The following PCDHGA4 variants were observed in gnomAD, a reference collection of about 807,000 sequenced individuals.
PCDHGA4 encodes protocadherin gamma-A4.
Under a neutral mutation model 54.6 loss-of-function variants are expected in PCDHGA4, and 38 were observed. The ratio of observed to expected loss-of-function variants is 0.70; its 90% CI spans 0.54 to 0.91. The LOEUF (loss-of-function observed/expected upper bound fraction) is 0.91. Among genes scored for constraint, PCDHGA4 ranks in the 40% least tolerant of loss-of-function variants. The pLI is 0.00. For missense variants in PCDHGA4, 1,298 were observed against 1,220.9 expected (o/e 1.06, Z -0.94); for synonymous variants, 511 against 512.9 (o/e 1.00, Z 0.05).
At chr5:141,459,874 A>G (rs922438277) in intron 1 of PCDHGA4, among the ~76,000 whole-genome samples, 10 of 152,156 alleles carry the variant, frequency 6.6e-5, no homozygotes, top group African/African-American at 2.4e-4. Flanking sequence ...TTCATCTTTA[A>G]CTGAGCTGAA....
intron 1 of PCDHGA4, chr5:141,365,365 C>A (rs761258930): frequency 6.2e-7 from 1 of 1,613,928 alleles, no homozygotes. Context: ...ACAATGCCCC[C>A]GAAGTGATCC....
intron 1 of PCDHGA4, among the ~76,000 whole-genome samples, chr5:141,480,408 C>A (rs371569489): frequency 7.2e-6 from 1 of 138,932 alleles, no homozygotes; most frequent in African/African-American, 2.9e-5. Flanking sequence ...GAGTGAGACC[C>A]TGTCTCAAAA....
chr5:141,405,461 C>T, intron 1 of PCDHGA4: 1 of 1,220,756 alleles, frequency 8.2e-7, no homozygotes, highest in Non-Finnish European at 1.1e-6. Context: ...ACTCTGTTAC[C>T]CAGGCTGGAA....
rs1387677265 is a variant in PCDHGA4 at position 141,486,434 on chromosome 5, T to C, written c.2515-8373T>C. 3 of 1,614,150 alleles carry C rather than the reference T, an allele frequency of 1.9e-6. No homozygotes were observed. The highest frequency in any genetic ancestry group is 2.5e-6 in the Non-Finnish European group (3 of 1,179,986). The stretch of plus-strand genomic sequence containing the variant: ...CTTGGATCGAGAGGCCAAATCTAGC[T>C]ATGACATCATGGTCACTGCTTCTGA... On this transcript the variant is annotated intron_variant, in intron 1 of 3. Coordinates refer to ENST00000571252, the MANE Select transcript of PCDHGA4 (RefSeq NM_018917.4). This position sits in a 1 kb window ranked among gnomAD's most constrained non-coding sequence, Gnocchi z 5.0.
chr5:141,403,434 A>G, intron 1 of PCDHGA4: 1 of 1,614,024 alleles, frequency 6.2e-7, no homozygotes, highest in Non-Finnish European at 8.5e-7. Flanking sequence ...ATTGATCCGG[A>G]TGTTGGCGTG....
intron 1 of PCDHGA4, chr5:141,375,875 T>C: frequency 6.2e-7 from 1 of 1,613,778 alleles, no homozygotes; most frequent in Non-Finnish European, 8.5e-7. Flanking sequence ...GGACAGAGAC[T>C]CGGGCCAGAA....
intron 1 of PCDHGA4, among the ~76,000 whole-genome samples, chr5:141,471,791 A>C (rs904614629): frequency 1.3e-5 from 2 of 152,238 alleles, no homozygotes; most frequent in Admixed American, 1.3e-4. Context: ...ATGCTATGTC[A>C]TATAAAAGAC....
intron 2 of PCDHGA4, among the ~76,000 whole-genome samples, chr5:141,496,486 C>T (rs186488143): frequency 1.3e-5 from 2 of 152,322 alleles, no homozygotes; most frequent in East Asian, 3.9e-4. Flanking sequence ...CTGCAACCAA[C>T]CAAACCCTTG....
At chr5:141,376,183 C>G (rs1772387950) in intron 1 of PCDHGA4, 1 of 1,614,148 alleles carries the variant, frequency 6.2e-7, no homozygotes, top group Admixed American at 1.7e-5. Context: ...TGGCCGCGGT[C>G]TCCTGCGTCT....
intron 1 of PCDHGA4, chr5:141,409,314 C>G: frequency 1.9e-6 from 3 of 1,613,878 alleles, no homozygotes; most frequent in Non-Finnish European, 2.5e-6. Flanking sequence ...CTCTTCAAAA[C>G]ACGGGATCTG....
chr5:141,485,106 TGGCTGTTTGGGGCGGGTC>T lies in PCDHGA4; in HGVS notation c.2515-9696_2515-9679del. 1 of 1,206,448 alleles carries T rather than the reference TGGCTGTTTGGGGCGGGTC, an allele frequency of 8.3e-7. No homozygotes were observed. The highest frequency in any genetic ancestry group is 1.2e-6 in the Non-Finnish European group (1 of 828,284). 74.7% of individuals were successfully genotyped at this position (1,206,448 alleles called of 1,614,324 possible). Reference sequence around the variant, plus strand: ...GGGAGATAGGTGTCTCCAGCTGCTGTGGCTGTTTGGGGCGGGTCGGCTTCATCCGCGTCTCAGGAGCAA... The same window carrying T: ...GGGAGATAGGTGTCTCCAGCTGCTGTGGCTTCATCCGCGTCTCAGGAGCAA... On this transcript the variant is annotated intron_variant, in intron 1 of 3. Coordinates refer to ENST00000571252, the MANE Select transcript of PCDHGA4 (RefSeq NM_018917.4). This position sits in a 1 kb window ranked among gnomAD's most constrained non-coding sequence, Gnocchi z 5.7.
chr5:141,359,428 G>A (rs1561518196), intron 1 of PCDHGA4, among the ~76,000 whole-genome samples: 1 of 151,478 alleles, frequency 6.6e-6, no homozygotes, highest in East Asian at 1.9e-4. Flanking sequence ...TGTTAGAATG[G>A]GCAGTGGGTT....
rs752412467 is a variant in PCDHGA4 at position 141,405,390 on chromosome 5, TTTTC to T, written c.2514+47781_2514+47784del. On this transcript the variant is annotated intron_variant, in intron 1 of 3. Transcript: ENST00000571252. ...CCTTTGGTTCCGGTGAGTTCATTTTTTTTCTTTCTTTCTTTTCTTTTTTTGTTTT... is the reference window on the plus strand; with the variant it reads ...CCTTTGGTTCCGGTGAGTTCATTTTTTTTCTTTCTTTTCTTTTTTTGTTTT... 1.6e-5 allele frequency: 26 copies of T among 1,600,118 alleles called. No homozygotes were observed. The East Asian group carries it at 1.8e-4, about 11-fold the overall frequency.
chr5:141,398,360 G>A, intron 1 of PCDHGA4: 1 of 1,413,656 alleles, frequency 7.1e-7, no homozygotes, highest in Non-Finnish European at 9.8e-7. Flanking sequence ...TTCACCGTGA[G>A]CGCAGAGAGC....
intron 1 of PCDHGA4, chr5:141,375,578 G>A (rs2150062565): frequency 1.9e-6 from 3 of 1,614,062 alleles, no homozygotes; most frequent in Non-Finnish European, 2.5e-6. Context: ...CCTCCAGGGG[G>A]CGCCCCTGTC....
At chr5:141,400,420 T>C (rs1323719998) in intron 1 of PCDHGA4, 1 of 1,613,936 alleles carries the variant, frequency 6.2e-7, no homozygotes, top group Non-Finnish European at 8.5e-7. Context: ...TTTCCTAAAA[T>C]GTAGTGAGCA....
At chr5:141,365,844 T>C (rs1264460635) in intron 1 of PCDHGA4, 2 of 1,613,980 alleles carry the variant, frequency 1.2e-6, no homozygotes, top group Non-Finnish European at 1.7e-6. Context: ...TCCTCCTATG[T>C]ATCCATTAAC....
At chr5:141,370,824 G>A (rs754309102) in intron 1 of PCDHGA4, 3 of 1,613,996 alleles carry the variant, frequency 1.9e-6, no homozygotes, top group Middle Eastern at 1.7e-4. Context: ...GGAAATCAGC[G>A]AACTGGCTCT....
At position 141,446,758 on chromosome 5, in the gene PCDHGA4, C is replaced by T. The variant is rs776925316; in HGVS notation, c.2515-48049C>T. Among the ~76,000 whole-genome samples, 10 of 152,208 alleles carry T rather than the reference C, an allele frequency of 6.6e-5. 1 individual carries two copies. Among genetic ancestry groups the T allele is most frequent in the African/African-American group, 9.7e-5 (4 of 41,448 alleles). On this transcript the variant is annotated intron_variant, in intron 1 of 3. Transcript: ENST00000571252. ...TGGGGATTACAGGCGTGAGCCACCG[C>T]GCCCAGCCGGTTACCATTCTTTTAC...
Sources: allele counts gnomAD v4.1 joint callset (sites outside exome capture counted in the v4.1 genomes callset), GRCh38; gene constraint gnomAD v4.1.1; non-coding constraint Gnocchi (gnomAD v3.1); transcripts MANE v1.5; gene names NCBI Gene and HGNC (gene_info 2026-07-23, HGNC 2026-07-21).